The following KDELR2 variants were observed in gnomAD, a reference collection of about 807,000 sequenced individuals.
KDELR2 encodes KDEL endoplasmic reticulum protein retention receptor 2, also known as ER lumen protein-retaining receptor 2.
Under a neutral mutation model 23.9 loss-of-function variants are expected in KDELR2, and 15 were observed. The observed-to-expected ratio is 0.63, with a 90% CI of 0.42 to 0.97. KDELR2 has a LOEUF of 0.97. Ranked by LOEUF, KDELR2 falls within the 50% of genes least tolerant of loss-of-function variation. KDELR2 has a pLI of 0.00. For synonymous variants in KDELR2, 119 were observed against 106.2 expected, an observed-to-expected ratio of 1.12 and a Z score of -0.74; for missense variants, 272 against 254.6, an observed-to-expected ratio of 1.07 and a Z score of -0.46.
At chr7:6,468,811 G>T (rs1583316815) in intron 3 of KDELR2, among the ~76,000 whole-genome samples, 1 of 150,818 alleles carries the variant, frequency 6.6e-6, no homozygotes, top group Middle Eastern at 3.5e-3. Context: ...GCCAGTTTTT[G>T]TATTTCTAAT....
chr7:6,482,693 T>A (rs975241753), intron 1 of KDELR2: 4 of 323,790 alleles, frequency 1.2e-5, no homozygotes, highest in African/African-American at 2.2e-5. Context: ...TTCAGGATCA[T>A]CTTTTACTGC....
At position 6,469,209 on chromosome 7, in the gene KDELR2, C is replaced by G. The variant is rs1785572321; in HGVS notation, c.351+387G>C. Among the ~76,000 whole-genome samples the G allele has an allele frequency of 3.3e-5, 5 of 152,088 alleles. No homozygotes were observed. The South Asian group carries it at 1.0e-3, about 32-fold the overall frequency. ...CCTCGTGATGTGCCCACCTTGGCCT[C>G]CCAAAGTGCTGGAATTACAGGCGTG... On this transcript the variant is annotated intron_variant, in intron 3 of 4. Coordinates refer to ENST00000258739, the MANE Select transcript of KDELR2 (RefSeq NM_006854.4).
At chr7:6,471,048 C>T (rs1222866239) in intron 2 of KDELR2, among the ~76,000 whole-genome samples, 2 of 149,678 alleles carry the variant, frequency 1.3e-5, no homozygotes, top group East Asian at 2.0e-4. Context: ...ACCCAGGAGG[C>T]GGAGCTTGCA....
At chr7:6,473,975 G>A in intron 2 of KDELR2, 1 of 414,012 alleles carries the variant, frequency 2.4e-6, no homozygotes, top group Non-Finnish European at 4.3e-6. Context: ...ATTAACTACT[G>A]TTTTGAAACC....
At position 6,462,514 on chromosome 7, in the gene KDELR2, A is replaced by T. The variant is rs1785410078; in HGVS notation, c.*627T>A. On this transcript the variant is annotated 3_prime_UTR_variant, in exon 5 of 5. Coordinates refer to ENST00000258739, the MANE Select transcript of KDELR2 (RefSeq NM_006854.4). ...TCAGTGAGACTCCATCGACATTCAG[A>T]ATCTTAAAATGTTGGTAATGAAAAC... The T allele has an allele frequency of 6.3e-6, 1 of 159,390 alleles. No individual in the cohort carries two copies. Among genetic ancestry groups the T allele is most frequent in the Non-Finnish European group, 1.4e-5 (1 of 72,962 alleles). The allele number at this position is 159,390 out of a possible 1,614,324, so 9.9% of individuals were successfully genotyped here. A position where few individuals can be genotyped will look rare whatever the true frequency, so the allele number is the denominator to read the frequency against.
intron 1 of KDELR2, among the ~76,000 whole-genome samples, chr7:6,478,084 T>C (rs1344966952): frequency 2.0e-5 from 3 of 152,146 alleles, no homozygotes; most frequent in Admixed American, 6.6e-5. Flanking sequence ...GCAAAGACCC[T>C]TTCTTCACAT....
rs890540379 is a variant in KDELR2 at position 6,477,244 on chromosome 7, C to G, written c.92-2960G>C. 6.2e-4 allele frequency among the ~76,000 whole-genome samples: 94 copies of G among 152,258 alleles called. 1 individual carries two copies. Among genetic ancestry groups the G allele is most frequent in the Admixed American group, 6.1e-3 (94 of 15,296 alleles). The stretch of plus-strand genomic sequence containing the variant: ...GCAGGACAGCCTTGCTGGAAATCTG[C>G]GGATGCTAACGTGGTCCCACACTGT... On this transcript the variant is annotated intron_variant, in intron 1 of 4. Transcript: ENST00000258739.
rs1420077969 is a variant in KDELR2, at chr7:6,461,261, A to G, written c.*1880T>C. 1 of 152,148 alleles carries G rather than the reference A, an allele frequency of 6.6e-6. No individual in the cohort carries two copies. Among genetic ancestry groups the G allele is most frequent in the African/African-American group, 2.4e-5 (1 of 41,430 alleles). 9.4% of individuals were successfully genotyped at this position (152,148 alleles called of 1,614,324 possible). A position where few individuals can be genotyped will look rare whatever the true frequency, so the allele number is the denominator to read the frequency against. On this transcript the variant is annotated 3_prime_UTR_variant, in exon 5 of 5. Coordinates refer to ENST00000258739, the MANE Select transcript of KDELR2 (RefSeq NM_006854.4). ...CCTCCTGGGTGACCAAAACGGTGGT[A>G]ACATAGCCAAGGTTACTTTTACTTG...
rs560735303 is a variant in KDELR2 at position 6,469,767 on chromosome 7, GA to G, written c.193-14del. The G allele has an allele frequency of 1.3e-6, 2 of 1,595,546 alleles. No individual in the cohort carries two copies. The highest frequency in any genetic ancestry group is 4.5e-5 in the East Asian group (2 of 44,486). ...CAAGGTAGATAACCTACAAATAAAAGAAAAAACACCAGGTGTCAATACCTTG... is the reference window on the plus strand; with the variant it reads ...CAAGGTAGATAACCTACAAATAAAAGAAAAACACCAGGTGTCAATACCTTG... On this transcript the variant is annotated splice_polypyrimidine_tract_variant and intron_variant, in intron 2 of 4. Transcript: ENST00000258739.
At chr7:6,465,552 G>A (rs575357200) in intron 4 of KDELR2, among the ~76,000 whole-genome samples, 2 of 151,942 alleles carry the variant, frequency 1.3e-5, no homozygotes, top group South Asian at 2.1e-4. Context: ...CACGTCCTAT[G>A]TTCATACAAA....
intron 1 of KDELR2, among the ~76,000 whole-genome samples, chr7:6,480,177 G>GATAC (rs1785859003): frequency 6.6e-6 from 1 of 152,154 alleles, no homozygotes; most frequent in Non-Finnish European, 1.5e-5. Flanking sequence ...AGCTACAGTA[G>GATAC]ATACACACTA....
chr7:6,475,672 T>C (rs988812213), intron 1 of KDELR2, among the ~76,000 whole-genome samples: 6 of 152,218 alleles, frequency 3.9e-5, no homozygotes, highest in African/African-American at 7.2e-5. Context: ...ACAGCTTTTC[T>C]GACATCTATA....
chr7:6,472,081 T>C (rs1425073911), intron 2 of KDELR2, among the ~76,000 whole-genome samples: 3 of 152,112 alleles, frequency 2.0e-5, no homozygotes, highest in South Asian at 4.1e-4. Flanking sequence ...TTAGTAGAGA[T>C]GGGGTTTCAC....
At position 6,463,043 on chromosome 7, in the gene KDELR2, G is replaced by A. The variant is rs139046196; in HGVS notation, c.*98C>T. ...TGACTATCTGCAACAAAAGAGTTAA[G>A]TTTCTGATTTTCCGTATCAAGCATC... On this transcript the variant is annotated 3_prime_UTR_variant, in exon 5 of 5. Coordinates refer to ENST00000258739, the MANE Select transcript of KDELR2 (RefSeq NM_006854.4). 258 of 1,614,158 alleles carry A rather than the reference G, an allele frequency of 1.6e-4. 1 individual carries two copies. The African/African-American group carries it at 2.9e-3, about 18-fold the overall frequency.
intron 2 of KDELR2, among the ~76,000 whole-genome samples, chr7:6,472,376 A>G (rs915548003): frequency 6.6e-6 from 1 of 152,116 alleles, no homozygotes; most frequent in African/African-American, 2.4e-5. Flanking sequence ...TTAAAGTAAA[A>G]AGACACGAGC....
chr7:6,464,289 G>A (rs1489335198), intron 4 of KDELR2, among the ~76,000 whole-genome samples: 1 of 147,988 alleles, frequency 6.8e-6, no homozygotes, highest in Non-Finnish European at 1.5e-5. Flanking sequence ...GGGAGGCTGA[G>A]GTGTGCGGAT....
intron 2 of KDELR2, among the ~76,000 whole-genome samples, chr7:6,471,610 T>G (rs149236923): frequency 6.6e-6 from 1 of 152,174 alleles, no homozygotes; most frequent in African/African-American, 2.4e-5. Flanking sequence ...TCACTTCAAG[T>G]TGCAGTGTGT....
At chr7:6,465,642 G>C (rs948192538) in intron 4 of KDELR2, among the ~76,000 whole-genome samples, 2 of 152,160 alleles carry the variant, frequency 1.3e-5, no homozygotes, top group Non-Finnish European at 2.9e-5. Context: ...GACCACCCAT[G>C]AATGGGGGCT....
chr7:6,477,767 C>T (rs2115332607), intron 1 of KDELR2, among the ~76,000 whole-genome samples: 1 of 152,252 alleles, frequency 6.6e-6, no homozygotes, highest in Admixed American at 6.5e-5. Context: ...AAGCAATCTT[C>T]CCAATGAGGT....
Sources: gnomAD v4.1 joint callset for allele counts (sites outside exome capture counted in the v4.1 genomes callset) on GRCh38, gnomAD v4.1.1 for gene constraint, MANE v1.5 for transcripts, NCBI Gene and HGNC (gene_info 2026-07-23, HGNC 2026-07-21) for gene names.